PRSS35: variants seen among roughly 807,000 people sequenced by gnomAD.
PRSS35 encodes the protein serine protease 35, also known as inactive serine protease 35.
A neutral mutation model predicts 8.1 loss-of-function variants in PRSS35; 7 were observed. That is an observed-to-expected ratio of 0.86 (90% CI 0.49 to 1.62). The LOEUF (loss-of-function observed/expected upper bound fraction) is 1.62. Ranked by LOEUF, PRSS35 falls within the 40% of genes most tolerant of loss-of-function variation. PRSS35 has a pLI of 0.00. For missense variants in PRSS35, 566 were observed against 518.0 expected, an observed-to-expected ratio of 1.09 and a Z score of -0.90; for synonymous variants, 199 against 188.7, an observed-to-expected ratio of 1.05 and a Z score of -0.45.
At chr6:83,512,880 C>T (rs1237328118) in intron 1 of PRSS35, among the ~76,000 whole-genome samples, 186 bp downstream of exon 1, 2 of 152,194 alleles carry the variant, frequency 1.3e-5, no homozygotes, top group African/African-American at 2.4e-5. Context: ...CCGGCCTCTG[C>T]ACAGTTTAAT....
At chr6:83,517,789 C>A (rs1423341029) in intron 1 of PRSS35, among the ~76,000 whole-genome samples, 1 of 152,110 alleles carries the variant, frequency 6.6e-6, no homozygotes, top group Non-Finnish European at 1.5e-5. Flanking sequence ...AGAGGACAGC[C>A]AAGTTTTAAA....
Position 83,524,005 on chromosome 6 carries a change from G to A in PRSS35, c.564G>A (p.Leu188=). The change falls in exon 2 of 2, where the codon TTG becomes TTA. Residue 188 remains leucine, a synonymous_variant. Coordinates refer to ENST00000369700, the MANE Select transcript of PRSS35 (RefSeq NM_153362.3). ...VKGSKKLRVG[L]LKMRNKSGGK... is the part of the protein sequence containing the mutation. ...GGAGTAAAAAGCTAAGGGTAGGGTTGTTGAAGATGAGGAATAAAAGTGGAG... is the reference window on the plus strand; with the variant it reads ...GGAGTAAAAAGCTAAGGGTAGGGTTATTGAAGATGAGGAATAAAAGTGGAG... The A allele has an allele frequency of 5.0e-6, 8 of 1,614,162 alleles. No individual in the cohort carries two copies. The highest frequency in any genetic ancestry group is 6.8e-6 in the Non-Finnish European group (8 of 1,180,022).
In PRSS35 at chr6:83,513,156, T is replaced by C. The variant is rs76392342; in HGVS notation, c.-21+462T>C. Among the ~76,000 whole-genome samples the C allele has an allele frequency of 8.1e-3, 1,229 of 152,230 alleles. 16 individuals are homozygous for C. Among genetic ancestry groups the C allele is most frequent in the African/African-American group, 0.028 (1,149 of 41,534 alleles). The stretch of plus-strand genomic sequence containing the variant: ...AGGCGGCGAAATGAAGTAGAAAAGC[T>C]TTTGACTTGCTTTGAAATACTCTAG... On this transcript the variant is annotated intron_variant, in intron 1 of 1. Coordinates refer to ENST00000369700, the MANE Select transcript of PRSS35 (RefSeq NM_153362.3).
In PRSS35 at chr6:83,524,334, C is replaced by T. The variant is rs1460269196; in HGVS notation, c.893C>T (p.Thr298Met). 3 of 1,614,110 alleles carry T rather than the reference C, an allele frequency of 1.9e-6. No homozygotes were observed. The highest frequency in any genetic ancestry group is 1.6e-4 in the Middle Eastern group (1 of 6,062). The change falls in exon 2 of 2, where the codon ACG becomes ATG. Residue 298 changes from threonine (T) to methionine (M), a missense_variant. Transcript: ENST00000369700. Reference protein sequence around the residue: ...KKYMELGISPTIKKMPGGMIH... With the variant: ...KKYMELGISPMIKKMPGGMIH... ...TACATGGAACTTGGAATCAGCCCAA[C>T]GATCAAGAAAATGCCTGGTGGAATG...
intron 1 of PRSS35, among the ~76,000 whole-genome samples, chr6:83,518,639 T>C (rs975175292): frequency 6.6e-6 from 1 of 152,126 alleles, no homozygotes; most frequent in African/African-American, 2.4e-5. Context: ...TTAGAGTGAG[T>C]TGGAAACTAT....
Position 83,524,544 on chromosome 6 carries a change from CG to C in PRSS35, c.1105del (p.Val369SerfsTer26). ...DKKNWKRKII[A>X]VYSGHQWVDV... ...AAGAATTGGAAGCGCAAAATCATTG[CG>C]GTCTACTCAGGGCACCAGTGGGTGG... On this transcript the variant is annotated frameshift_variant, in exon 2 of 2. Coordinates refer to ENST00000369700, the MANE Select transcript of PRSS35 (RefSeq NM_153362.3). LOFTEE classifies it high-confidence loss of function. 6.2e-7 allele frequency: 1 copy of C among 1,614,160 alleles called. No individual in the cohort carries two copies. Among genetic ancestry groups the C allele is most frequent in the Non-Finnish European group, 8.5e-7 (1 of 1,180,032 alleles).
chr6:83,520,234 A>G lies in PRSS35; in HGVS notation c.-20-3188A>G, dbSNP rs185240798. Among the ~76,000 whole-genome samples the G allele has an allele frequency of 2.8e-3, 432 of 152,282 alleles. 3 individuals carry two copies. Among genetic ancestry groups the G allele is most frequent in the Non-Finnish European group, 3.2e-3 (217 of 68,014 alleles). On this transcript the variant is annotated intron_variant, in intron 1 of 1. Transcript: ENST00000369700. ...ATGTCATTTAAAACCCGGGTAAGCC[A>G]TCATCCTTGGAAAGACCACCTTCTG...
intron 1 of PRSS35, 32 bp from the exon 2 acceptor site, chr6:83,523,390 A>T (rs1771857474): frequency 6.7e-7 from 1 of 1,492,476 alleles, no homozygotes; most frequent in Admixed American, 2.0e-5. Flanking sequence ...AAAAGGAAAC[A>T]TTATAAACCT....
rs535226415 is a variant in PRSS35, at chr6:83,525,209, G to T, written c.*526G>T. 3.0e-5 allele frequency: 5 copies of T among 167,156 alleles called. No homozygotes were observed. In the South Asian group the frequency reaches 1.0e-3, roughly 35 times the overall value. The allele number at this position is 167,156 out of a possible 1,614,324, so 10.4% of individuals were successfully genotyped here. ...AATGTTTATATTGTGTTATCTGTTG[G>T]GTCTGGGACATTTAGTTTAGTTTTT... is the stretch of plus-strand genomic sequence containing the variant. On this transcript the variant is annotated 3_prime_UTR_variant, in exon 2 of 2. Coordinates refer to ENST00000369700, the MANE Select transcript of PRSS35 (RefSeq NM_153362.3).
At chr6:83,514,448 C>T (rs530789581) in intron 1 of PRSS35, among the ~76,000 whole-genome samples, 1 of 152,166 alleles carries the variant, frequency 6.6e-6, no homozygotes, top group East Asian at 1.9e-4. Context: ...GTAACTTTAC[C>T]ATCTTCCTTT....
intron 1 of PRSS35, among the ~76,000 whole-genome samples, chr6:83,513,092 A>G (rs144503849): frequency 1.3e-5 from 2 of 152,266 alleles, no homozygotes; most frequent in African/African-American, 2.4e-5. Flanking sequence ...TTGGCTGCGG[A>G]GGTCAGCAAA....
rs963817861 is a variant in PRSS35, at chr6:83,524,488, G to A, written c.1047G>A (p.Gly349=). The change falls in exon 2 of 2, where the codon GGG becomes GGA. Residue 349 remains glycine, a synonymous_variant. Transcript: ENST00000369700. ...CTGAGTCGGGCTCCACCGGTTCGGGGGTCTATCTGCGTCTGAAAGATCCAG... is the reference window on the plus strand; with the variant it reads ...CTGAGTCGGGCTCCACCGGTTCGGGAGTCTATCTGCGTCTGAAAGATCCAG... ...CDAESGSTGS[G]VYLRLKDPDK... is the part of the protein sequence containing the mutation. 6.2e-6 allele frequency: 10 copies of A among 1,613,966 alleles called. No individual in the cohort carries two copies. In the African/African-American group the frequency reaches 8.0e-5, roughly 13 times the overall value.
intron 1 of PRSS35, among the ~76,000 whole-genome samples, chr6:83,522,050 G>T (rs1409397362): frequency 6.6e-6 from 1 of 152,100 alleles, no homozygotes; most frequent in Non-Finnish European, 1.5e-5. Context: ...TCCTGTGGGT[G>T]TACCCTGTGG....
chr6:83,524,439 A>T lies in PRSS35; in HGVS notation c.998A>T (p.Asp333Val), dbSNP rs1289169105. Reference protein sequence around the residue: ...RFCSVSDESNDLLYQYCDAES... With the variant: ...RFCSVSDESNVLLYQYCDAES... ...TGCAGTGTGTCCGACGAATCCAATGATCTCCTTTACCAATACTGCGATGCT... is the reference window on the plus strand; with the variant it reads ...TGCAGTGTGTCCGACGAATCCAATGTTCTCCTTTACCAATACTGCGATGCT... The change falls in exon 2 of 2, where the codon GAT becomes GTT. Residue 333 changes from aspartate (D) to valine (V), a missense_variant. Asp to Val is a radical substitution (Grantham distance 152, BLOSUM62 -3). Transcript: ENST00000369700. The T allele has an allele frequency of 6.2e-7, 1 of 1,613,974 alleles. No individual in the cohort carries two copies. The highest frequency in any genetic ancestry group is 8.5e-7 in the Non-Finnish European group (1 of 1,180,024).
In PRSS35 at chr6:83,523,823, G is replaced by A. The variant is rs1408200027; in HGVS notation, c.382G>A (p.Asp128Asn). The change falls in exon 2 of 2, where the codon GAC (aspartate) becomes AAC (asparagine). Residue 128 changes from aspartate (D) to asparagine (N), a missense_variant. Physicochemically the swap from Asp to Asn is conservative, Grantham distance 23. Coordinates refer to ENST00000369700, the MANE Select transcript of PRSS35 (RefSeq NM_153362.3). ...VRRKRQVYGT[D>N]SRFSILDKRF... Reference sequence around the variant, plus strand: ...GAGAAAGAGACAGGTGTATGGCACCGACAGCAGGTTCAGCATCTTGGACAA... The same window carrying A: ...GAGAAAGAGACAGGTGTATGGCACCAACAGCAGGTTCAGCATCTTGGACAA... 3.7e-6 allele frequency: 6 copies of A among 1,614,146 alleles called. No homozygotes were observed. The highest frequency in any genetic ancestry group is 1.7e-5 in the Admixed American group (1 of 60,026).
At chr6:83,512,882 C>T (rs1771650387) in intron 1 of PRSS35, among the ~76,000 whole-genome samples, 188 bp downstream of exon 1, 1 of 152,168 alleles carries the variant, frequency 6.6e-6, no homozygotes, top group Admixed American at 6.5e-5. Flanking sequence ...GGCCTCTGCA[C>T]AGTTTAATAT....
In PRSS35 at chr6:83,525,012, C is replaced by T. The variant is rs989880477; in HGVS notation, c.*329C>T. ...AAATAACATGTGACTCCTTAATGGA[C>T]TTATTCTCAGGGTCCTACTCTAAGA... On this transcript the variant is annotated 3_prime_UTR_variant, in exon 2 of 2. Transcript: ENST00000369700. The T allele has an allele frequency of 4.2e-6, 1 of 239,790 alleles. No homozygotes were observed. 14.9% of individuals were successfully genotyped at this position (239,790 alleles called of 1,614,324 possible). A position where few individuals can be genotyped will look rare whatever the true frequency, so the allele number is the denominator to read the frequency against.
rs1468386667 is a variant in PRSS35, at chr6:83,524,024, A to G, written c.583A>G (p.Ser195Gly). The G allele has an allele frequency of 1.9e-6, 3 of 1,614,180 alleles. No homozygotes were observed. Among genetic ancestry groups the G allele is most frequent in the African/African-American group, 1.3e-5 (1 of 75,060 alleles). The change falls in exon 2 of 2, where the codon AGT (serine) becomes GGT (glycine). Residue 195 changes from serine to glycine, a missense_variant. By Grantham distance (56) the Ser-to-Gly change is moderately conservative. Coordinates refer to ENST00000369700, the MANE Select transcript of PRSS35 (RefSeq NM_153362.3). The stretch of plus-strand genomic sequence containing the variant: ...AGGGTTGTTGAAGATGAGGAATAAA[A>G]GTGGAGGCAAGAAACGTCGAGGTTC... ...RVGLLKMRNK[S>G]GGKKRRGSKR...
rs557974011 is a variant in PRSS35 at position 83,520,591 on chromosome 6, A to G, written c.-20-2831A>G. The stretch of plus-strand genomic sequence containing the variant: ...ATGTGAACGTGAACACAGAGAAGGA[A>G]AACCATGCCTATATCATTGGTATTG... On this transcript the variant is annotated intron_variant, in intron 1 of 1. Transcript: ENST00000369700. Among the ~76,000 whole-genome samples the G allele has an allele frequency of 2.0e-5, 3 of 152,296 alleles. No homozygotes were observed. In the East Asian group the frequency reaches 5.8e-4, roughly 29 times the overall value.
Sources: allele counts gnomAD v4.1 joint callset (sites outside exome capture counted in the v4.1 genomes callset), GRCh38; gene constraint gnomAD v4.1.1; transcripts MANE v1.5; gene names NCBI Gene and HGNC (gene_info 2026-07-23, HGNC 2026-07-21).